SAMD14: variants seen among roughly 807,000 people sequenced by gnomAD.
The protein encoded by SAMD14 is sterile alpha motif domain-containing protein 14.
Under a neutral mutation model 46.2 loss-of-function variants are expected in SAMD14, and 27 were observed. That is an observed-to-expected ratio of 0.58 (90% CI 0.43 to 0.81). SAMD14 has a LOEUF of 0.81. Among genes scored for constraint, SAMD14 ranks in the 30% least tolerant of loss-of-function variants. The probability of loss-of-function intolerance (pLI) is 0.00; values close to 1 mark genes in which losing one functional copy is unlikely to be tolerated. For missense variants in SAMD14, 559 were observed against 582.2 expected, an observed-to-expected ratio of 0.96 and a Z score of 0.41; for synonymous variants, 241 against 254.3, an observed-to-expected ratio of 0.95 and a Z score of 0.50.
At position 50,118,235 on chromosome 17, in the gene SAMD14, G is replaced by A; in HGVS notation, c.136C>T (p.Pro46Ser). 6.2e-7 allele frequency: 1 copy of A among 1,613,888 alleles called. No homozygotes were observed. The highest frequency in any genetic ancestry group is 8.5e-7 in the Non-Finnish European group (1 of 1,179,898). ...QLLAKGRRHR[P>S]SRSRLRDSAS... ...CTGTCCCGAAGCCTGGAGCGGGATGGCCGGTGTCTCCGGCCCTTGGCCAAC... is the reference window on the plus strand; with the variant it reads ...CTGTCCCGAAGCCTGGAGCGGGATGACCGGTGTCTCCGGCCCTTGGCCAAC... The change falls in exon 3 of 10, where the codon CCA (proline) becomes TCA (serine). Residue 46 changes from proline to serine, a missense_variant. Transcript: ENST00000330175.
chr17:50,114,346 C>G (rs763917759), intron 7 of SAMD14, 40 bp from the exon 8 acceptor site: 1 of 1,614,024 alleles, frequency 6.2e-7, no homozygotes. Context: ...GAGAGTTCAC[C>G]CCCAACCCAC....
At chr17:50,119,261 T>C (rs965354253) in intron 2 of SAMD14, among the ~76,000 whole-genome samples, 1 of 152,206 alleles carries the variant, frequency 6.6e-6, no homozygotes, top group Non-Finnish European at 1.5e-5. Context: ...TTATTGCTCA[T>C]AGCTCCACTT....
At position 50,111,173 on chromosome 17, in the gene SAMD14, G is replaced by A. The variant is rs1910818299; in HGVS notation, c.*1720C>T. On this transcript the variant is annotated 3_prime_UTR_variant, in exon 10 of 10. Coordinates refer to ENST00000330175, the MANE Select transcript of SAMD14 (RefSeq NM_001257359.2). Reference sequence around the variant, plus strand: ...ACCGGGGACGTCCGGCCCAGCTCAGGACTGTGAGTAAAACACTGGGCAAAG... The same window carrying A: ...ACCGGGGACGTCCGGCCCAGCTCAGAACTGTGAGTAAAACACTGGGCAAAG... 6.6e-6 allele frequency: 1 copy of A among 152,326 alleles called. No homozygotes were observed. 9.4% of individuals were successfully genotyped at this position (152,326 alleles called of 1,614,324 possible). A position where few individuals can be genotyped will look rare whatever the true frequency, so the allele number is the denominator to read the frequency against.
Position 50,118,257 on chromosome 17 carries a change from C to T in SAMD14, c.114G>A (p.Leu38=). 1 of 1,614,010 alleles carries T rather than the reference C, an allele frequency of 6.2e-7. No individual in the cohort carries two copies. Residue 38 remains leucine (L), a synonymous_variant, in exon 3 of 10, where the codon TTG becomes TTA. Coordinates refer to ENST00000330175, the MANE Select transcript of SAMD14 (RefSeq NM_001257359.2). ...ATGGCCGGTGTCTCCGGCCCTTGGC[C>T]AACAGTTGGGCCCGGGCCTTGTGTA... ...SSLHKARAQL[L]AKGRRHRPSR... is the part of the protein sequence containing the mutation.
intron 2 of SAMD14, 146 bp downstream of exon 2, chr17:50,124,771 G>GCGCGCACGCACACACA: frequency 3.5e-6 from 2 of 567,466 alleles, no homozygotes; most frequent in Non-Finnish European, 6.3e-6. Context: ...ACGCGCGCGC[G>GCGCGCACGCACACACA]CACACACACA....
Position 50,112,839 on chromosome 17 carries a change from G to A in SAMD14, c.*54C>T. 1 of 1,566,182 alleles carries A rather than the reference G, an allele frequency of 6.4e-7. No individual in the cohort carries two copies. The highest frequency in any genetic ancestry group is 8.6e-7 in the Non-Finnish European group (1 of 1,162,704). On this transcript the variant is annotated 3_prime_UTR_variant, in exon 10 of 10. Coordinates refer to ENST00000330175, the MANE Select transcript of SAMD14 (RefSeq NM_001257359.2). ...GTCCAGCCTCCCTGGTGAGGCCTGT[G>A]CCCGCGGAGCCAGTGGCTGCCCCTG... is the stretch of plus-strand genomic sequence containing the variant.
chr17:50,117,558 G>C lies in SAMD14; in HGVS notation c.348C>G (p.Pro116=), dbSNP rs948825123. 1 of 1,552,508 alleles carries C rather than the reference G, an allele frequency of 6.4e-7. No individual in the cohort carries two copies. The highest frequency in any genetic ancestry group is 1.4e-5 in the African/African-American group (1 of 71,532). ...RRSLDEDEPP[P]SPLTRYRPLH... ...GGGGCCGGTAGCGTGTGAGCGGCGAGGGCGGCGGCTCGTCCTCGTCCAGGC... is the reference window on the plus strand; with the variant it reads ...GGGGCCGGTAGCGTGTGAGCGGCGACGGCGGCGGCTCGTCCTCGTCCAGGC... The change falls in exon 4 of 10, where the codon CCC becomes CCG. Residue 116 remains proline, a synonymous_variant. Transcript: ENST00000330175.
intron 2 of SAMD14, among the ~76,000 whole-genome samples, chr17:50,123,313 T>G (rs887562678): frequency 6.6e-6 from 1 of 152,248 alleles, no homozygotes; most frequent in Admixed American, 6.5e-5. Context: ...GAGTCCAACC[T>G]CTCATTGTAT....
At chr17:50,113,143 G>C in intron 9 of SAMD14, 95 bp from the exon 10 acceptor site, 1 of 1,449,786 alleles carries the variant, frequency 6.9e-7, no homozygotes, top group South Asian at 1.3e-5. Context: ...TGTACTCTGT[G>C]GAGCTCCAAA....
At chr17:50,114,385 T>A in intron 7 of SAMD14, 79 bp from the exon 8 acceptor site, 1 of 1,614,026 alleles carries the variant, frequency 6.2e-7, no homozygotes, top group Non-Finnish European at 8.5e-7. Context: ...GCCGAAGTCC[T>A]GGACTAGGCA....
Position 50,115,670 on chromosome 17 carries a change from G to A in SAMD14, c.716C>T (p.Ser239Phe). The change falls in exon 7 of 10, where the codon TCC becomes TTC. Residue 239 changes from serine to phenylalanine, a missense_variant. Coordinates refer to ENST00000330175, the MANE Select transcript of SAMD14 (RefSeq NM_001257359.2). This position sits in a 1 kb window ranked among gnomAD's most constrained non-coding sequence, Gnocchi z 5.3. ...RSGGSPFLPF[S>F]WFTDSGKGSA... ...GCCCTTGCCGCTGTCCGTGAACCAG[G>A]AAAAAGGCAGGAACGGGGAGCCCCC... 1.9e-6 allele frequency: 3 copies of A among 1,608,680 alleles called. No homozygotes were observed. The highest frequency in any genetic ancestry group is 2.5e-6 in the Non-Finnish European group (3 of 1,176,578).
chr17:50,125,204 C>T, intron 1 of SAMD14: 2 of 517,242 alleles, frequency 3.9e-6, no homozygotes, highest in South Asian at 4.2e-5. Context: ...AAAACCAAGG[C>T]ACAGACACAG....
chr17:50,115,520 T>C lies in SAMD14; in HGVS notation c.822+44A>G, dbSNP rs749801269. The C allele has an allele frequency of 2.7e-6, 4 of 1,508,458 alleles. No individual in the cohort carries two copies. The highest frequency in any genetic ancestry group is 2.3e-5 in the Admixed American group (1 of 44,160). The allele number at this position is 1,508,458 out of a possible 1,614,324, so 93.4% of individuals were successfully genotyped here. ...AGGTGAAGTACGCCCTCATGTCACC[T>C]GAGACTGGGGGCCAGTTTGGGGACA... is the stretch of plus-strand genomic sequence containing the variant. On this transcript the variant is annotated intron_variant, in intron 7 of 9. Transcript: ENST00000330175. The surrounding 1 kb of genome is among the most constrained non-coding windows in gnomAD (Gnocchi z 5.3).
chr17:50,124,771 G>GCACA (rs10522793), intron 2 of SAMD14, 146 bp downstream of exon 2: 78,739 of 554,730 alleles, frequency 0.14, 2,193 homozygotes, highest in East Asian at 0.26. Context: ...ACGCGCGCGC[G>GCACA]CACACACACA....
At chr17:50,113,665 A>T in intron 9 of SAMD14, 1 of 519,264 alleles carries the variant, frequency 1.9e-6, no homozygotes, top group Non-Finnish European at 3.5e-6. Context: ...CAGCCTGGAG[A>T]CCAGGGCTGG....
At chr17:50,125,873 C>T (rs1397772065) in intron 1 of SAMD14, among the ~76,000 whole-genome samples, 1 of 152,170 alleles carries the variant, frequency 6.6e-6, no homozygotes, top group Non-Finnish European at 1.5e-5. Flanking sequence ...TATGATGCAA[C>T]TATGTTCTGG....
At chr17:50,123,983 A>C (rs1035677744) in intron 2 of SAMD14, 1 of 421,736 alleles carries the variant, frequency 2.4e-6, no homozygotes, top group Admixed American at 2.5e-5. Flanking sequence ...GGGAAGCAGC[A>C]GTTCCTGGCA....
In SAMD14 at chr17:50,117,440, G is replaced by T; in HGVS notation, c.466C>A (p.Arg156Ser). The change falls in exon 4 of 10, where the codon CGC (arginine) becomes AGC (serine). Residue 156 changes from arginine (R) to serine (S), a missense_variant. Transcript: ENST00000330175. ...PSSDSSPSFV[R>S]RHPRAEPHSE... ...TGCGGCTCTGCGCGCGGGTGGCGGC[G>T]CACGAAGCTGGGGGAGCTGTCGGAG... 7.4e-7 allele frequency: 1 copy of T among 1,348,208 alleles called. No individual in the cohort carries two copies. The highest frequency in any genetic ancestry group is 9.5e-7 in the Non-Finnish European group (1 of 1,056,062). 83.5% of individuals were successfully genotyped at this position (1,348,208 alleles called of 1,614,324 possible).
chr17:50,119,646 C>T (rs1177111879), intron 2 of SAMD14, among the ~76,000 whole-genome samples: 1 of 152,166 alleles, frequency 6.6e-6, no homozygotes, highest in Non-Finnish European at 1.5e-5. Context: ...ATGAACCGAT[C>T]ATGTAACCTC....
Sources: allele counts gnomAD v4.1 joint callset (sites outside exome capture counted in the v4.1 genomes callset), GRCh38; gene constraint gnomAD v4.1.1; non-coding constraint Gnocchi (gnomAD v3.1); transcripts MANE v1.5; gene names NCBI Gene and HGNC (gene_info 2026-07-23, HGNC 2026-07-21).